The following UNC80 variants were observed in gnomAD, a reference collection of about 807,000 sequenced individuals.
UNC80 encodes unc-80 subunit of NALCN channel complex.
UNC80 carries 164 observed loss-of-function variants against 384.6 expected under a neutral mutation model. That is an observed-to-expected ratio of 0.43 (90% CI 0.38 to 0.49). The LOEUF (loss-of-function observed/expected upper bound fraction) is 0.49. Among genes scored for constraint, UNC80 ranks in the 20% least tolerant of loss-of-function variants. UNC80 has a pLI of 0.00. For synonymous variants in UNC80, 1,486 were observed against 1,527.8 expected, an observed-to-expected ratio of 0.97 and a Z score of 0.64; for missense variants, 3,330 against 4,143.0, an observed-to-expected ratio of 0.80 and a Z score of 5.39.
chr2:209,873,474 A>G (rs539179651), intron 23 of UNC80, among the ~76,000 whole-genome samples: 3 of 152,178 alleles, frequency 2.0e-5, no homozygotes, highest in African/African-American at 7.2e-5. Context: ...GCCTTTGGAA[A>G]TTGCACTCAC....
chr2:209,975,413 G>T (rs1395689317), intron 56 of UNC80, among the ~76,000 whole-genome samples: 2 of 152,188 alleles, frequency 1.3e-5, no homozygotes, highest in African/African-American at 4.8e-5. Context: ...AATAAATGTA[G>T]ATTGTGAAGG....
chr2:209,916,470 G>T (rs1466952184), intron 31 of UNC80, among the ~76,000 whole-genome samples: 2 of 152,184 alleles, frequency 1.3e-5, no homozygotes, highest in South Asian at 2.1e-4. Flanking sequence ...TAGAGATTAT[G>T]ATAGAACTCT....
At chr2:209,946,924 C>G (rs2091940109) in intron 47 of UNC80, among the ~76,000 whole-genome samples, 1 of 152,140 alleles carries the variant, frequency 6.6e-6, no homozygotes. Flanking sequence ...TAATTGAACT[C>G]TTTTTACTGG....
intron 61 of UNC80, among the ~76,000 whole-genome samples, chr2:209,988,226 CAG>C (rs1332727395): frequency 6.6e-6 from 1 of 152,192 alleles, no homozygotes; most frequent in Non-Finnish European, 1.5e-5. Context: ...GGCAATCACT[CAG>C]GGTAAACGAT....
intron 6 of UNC80, among the ~76,000 whole-genome samples, chr2:209,790,957 G>A (rs2077757611): frequency 6.6e-6 from 1 of 151,924 alleles, no homozygotes; most frequent in African/African-American, 2.4e-5. Context: ...TAAAATAATG[G>A]TATGTCTTCT....
chr2:209,969,012 C>G (rs1055308824), intron 52 of UNC80: 7 of 152,168 alleles, frequency 4.6e-5, no homozygotes, highest in African/African-American at 1.4e-4. Flanking sequence ...TTCCATTTGT[C>G]ATTGCAGATT....
chr2:209,970,052 T>C, intron 53 of UNC80, 161 bp downstream of exon 53: 2 of 945,086 alleles, frequency 2.1e-6, no homozygotes, highest in Non-Finnish European at 1.5e-6. Context: ...CATTTCAAGG[T>C]GGTGTGTGGG....
intron 35 of UNC80, among the ~76,000 whole-genome samples, chr2:209,926,111 G>C (rs1363520858): frequency 6.6e-6 from 1 of 151,900 alleles, no homozygotes; most frequent in Non-Finnish European, 1.5e-5. Flanking sequence ...CATTAATATG[G>C]GTGGGCTATG....
At chr2:209,865,884 A>G (rs919526253) in intron 22 of UNC80, among the ~76,000 whole-genome samples, 5 of 152,328 alleles carry the variant, frequency 3.3e-5, no homozygotes, top group South Asian at 2.1e-4. Context: ...ACTTGAAGAT[A>G]CTTTTGCTAG....
chr2:209,932,238 A>G (rs2090934903), intron 38 of UNC80, among the ~76,000 whole-genome samples: 2 of 152,110 alleles, frequency 1.3e-5, no homozygotes, highest in African/African-American at 4.8e-5. Context: ...GCTCTAACAT[A>G]GGAAGTCCAC....
At position 209,840,700 on chromosome 2, in the gene UNC80, A is replaced by G; in HGVS notation, c.3357+52A>G. ...GACTGTTGAAGTCGCTGATACAAAC[A>G]TGTGAAGGCTGAGAAATAGCAAACA... is the stretch of plus-strand genomic sequence containing the variant. On this transcript the variant is annotated intron_variant, in intron 20 of 64. Coordinates refer to ENST00000673920, the MANE Select transcript of UNC80 (RefSeq NM_001371986.1). 3 of 1,439,086 alleles carry G rather than the reference A, an allele frequency of 2.1e-6. No homozygotes were observed. In the Admixed American group the frequency reaches 5.9e-5, roughly 28 times the overall value. 89.1% of individuals were successfully genotyped at this position (1,439,086 alleles called of 1,614,324 possible).
chr2:209,782,673 AT>A lies in UNC80; in HGVS notation c.601-3392del, dbSNP rs2077215621. On this transcript the variant is annotated intron_variant, in intron 4 of 64. Transcript: ENST00000673920. ...TCACTAATTTGTAAATAAATCTAATATAAATGACTCATCCTTTTGTAACACA... is the reference window on the plus strand; with the variant it reads ...TCACTAATTTGTAAATAAATCTAATAAAATGACTCATCCTTTTGTAACACA... Among the ~76,000 whole-genome samples the A allele has an allele frequency of 2.0e-5, 3 of 152,280 alleles. No individual in the cohort carries two copies. The Middle Eastern group carries it at 0.01, about 518-fold the overall frequency.
At chr2:209,810,016 C>A (rs542899562) in intron 7 of UNC80, among the ~76,000 whole-genome samples, 3 of 152,354 alleles carry the variant, frequency 2.0e-5, no homozygotes, top group African/African-American at 7.2e-5. Context: ...AGGCCACCCT[C>A]CGCGAGGTTT....
At chr2:209,796,018 C>T (rs899348391) in intron 7 of UNC80, 2 of 152,320 alleles carry the variant, frequency 1.3e-5, no homozygotes, top group African/African-American at 4.8e-5. Flanking sequence ...CAGCTTGGAT[C>T]ATGCACCTGG....
intron 7 of UNC80, among the ~76,000 whole-genome samples, chr2:209,810,111 G>A (rs1334337510): frequency 6.6e-6 from 1 of 152,132 alleles, no homozygotes; most frequent in Middle Eastern, 3.2e-3. Flanking sequence ...AGCCTAAGAT[G>A]CTCTGGGCCT....
intron 26 of UNC80, among the ~76,000 whole-genome samples, chr2:209,891,469 A>AT (rs1291138919): frequency 6.6e-6 from 1 of 152,152 alleles, no homozygotes; most frequent in Admixed American, 6.5e-5. Flanking sequence ...CAAAGTTATT[A>AT]TGCTAATTAT....
chr2:209,904,137 A>G (rs2087885784), intron 28 of UNC80, among the ~76,000 whole-genome samples: 1 of 152,216 alleles, frequency 6.6e-6, no homozygotes, highest in Non-Finnish European at 1.5e-5. Context: ...TAATGGGAGA[A>G]TTATAGGAGA....
intron 22 of UNC80, among the ~76,000 whole-genome samples, chr2:209,853,112 T>C (rs191442920): frequency 1.5e-3 from 235 of 152,184 alleles, no homozygotes; most frequent in Non-Finnish European, 2.4e-3. Flanking sequence ...TTCCGCCATT[T>C]CATCAAATAG....
At chr2:209,910,672 G>A (rs1350782367) in intron 29 of UNC80, among the ~76,000 whole-genome samples, 1 of 120,258 alleles carries the variant, frequency 8.3e-6, no homozygotes, top group Non-Finnish European at 1.8e-5. Context: ...TTTTTTTTTG[G>A]TGTGCTGAGT....
Sources: allele counts gnomAD v4.1 joint callset (sites outside exome capture counted in the v4.1 genomes callset), GRCh38; gene constraint gnomAD v4.1.1; transcripts MANE v1.5; gene names NCBI Gene and HGNC (gene_info 2026-07-23, HGNC 2026-07-21).